The following KIAA0319L variants were observed in gnomAD, a reference collection of about 807,000 sequenced individuals.
KIAA0319L encodes the protein KIAA0319 like.
KIAA0319L carries 55 observed loss-of-function variants against 120.1 expected under a neutral mutation model. The ratio of observed to expected loss-of-function variants is 0.46; its 90% CI spans 0.37 to 0.57. KIAA0319L has a LOEUF of 0.57. Ranked by LOEUF, KIAA0319L falls within the 20% of genes least tolerant of loss-of-function variation. The pLI is 0.00. For missense variants in KIAA0319L, 1,049 were observed against 1,255.3 expected (o/e 0.84, Z 2.48); for synonymous variants, 398 against 471.9 (o/e 0.84, Z 2.03).
chr1:35,525,746 CCAGA>C (rs1403933099), intron 2 of KIAA0319L, among the ~76,000 whole-genome samples: 4 of 152,090 alleles, frequency 2.6e-5, no homozygotes, highest in Non-Finnish European at 5.9e-5. Context: ...TCCCTTGTCA[CCAGA>C]CAGATATTTT....
In KIAA0319L at chr1:35,450,002, C is replaced by T; in HGVS notation, c.2218G>A (p.Val740Met). The T allele has an allele frequency of 6.2e-7, 1 of 1,614,142 alleles. No homozygotes were observed. The highest frequency in any genetic ancestry group is 8.5e-7 in the Non-Finnish European group (1 of 1,179,998). Residue 740 changes from valine (V) to methionine (M), a missense_variant, in exon 15 of 21, where the codon GTG (valine) becomes ATG (methionine). Transcript: ENST00000325722. ...GGGTGATGGTCAGAGTGATTTAACA[C>T]CTCCTGTAGGGTTGAACAACATGGC... is the stretch of plus-strand genomic sequence containing the variant. ...RDEGSPAAGE[V>M]LNHSDHHPIL... is the part of the protein sequence containing the mutation.
intron 2 of KIAA0319L, among the ~76,000 whole-genome samples, chr1:35,513,544 G>C (rs1433153752): frequency 6.6e-6 from 1 of 151,854 alleles, no homozygotes; most frequent in East Asian, 1.9e-4. Context: ...TTGAGCTTGG[G>C]AGATACTGGC....
At chr1:35,517,980 C>G (rs1645750861) in intron 2 of KIAA0319L, among the ~76,000 whole-genome samples, 1 of 152,174 alleles carries the variant, frequency 6.6e-6, no homozygotes, top group African/African-American at 2.4e-5. Context: ...TTCAATATCA[C>G]TGATCATTAG....
intron 3 of KIAA0319L, among the ~76,000 whole-genome samples, chr1:35,505,921 G>C (rs987768787): frequency 1.1e-4 from 16 of 152,222 alleles, no homozygotes; most frequent in African/African-American, 3.9e-4. Context: ...CAACTTGATA[G>C]AGACAACTAG....
intron 5 of KIAA0319L, among the ~76,000 whole-genome samples, chr1:35,472,206 A>C (rs1029831372): frequency 2.6e-5 from 4 of 152,254 alleles, no homozygotes; most frequent in African/African-American, 7.2e-5. Context: ...GCAGGCAGAA[A>C]TATGTTCAAA....
Position 35,522,993 on chromosome 1 carries a change from T to C in KIAA0319L, c.143-15858A>G, listed in dbSNP as rs191808816. ...GAGATCGCACCACTGCACTCCAGCC[T>C]GGCAAGAGTGAAACTCCACATAAAA... On this transcript the variant is annotated intron_variant, in intron 2 of 20. Transcript: ENST00000325722. 2.7e-3 allele frequency among the ~76,000 whole-genome samples: 373 copies of C among 137,170 alleles called. 3 individuals are homozygous for C. The highest frequency in any genetic ancestry group is 0.01 in the African/African-American group (362 of 35,548). 90.0% of individuals were successfully genotyped at this position (137,170 alleles called of 152,430 possible). A position where few individuals can be genotyped will look rare whatever the true frequency, so the allele number is the denominator to read the frequency against.
intron 2 of KIAA0319L, among the ~76,000 whole-genome samples, chr1:35,535,852 T>C (rs187263917): frequency 4.6e-5 from 7 of 152,260 alleles, no homozygotes; most frequent in African/African-American, 1.7e-4. Context: ...CTCTGCCCTC[T>C]TTAAGTGCTG....
chr1:35,442,243 T>G lies in KIAA0319L; in HGVS notation c.2870+3A>C. On this transcript the variant is annotated splice_donor_region_variant and intron_variant, in intron 19 of 20. Transcript: ENST00000325722. ...ATGAATTTCAAAGGAAAATCCATCT[T>G]ACCTCTTACAACAACAGATCACAGT... 6.2e-7 allele frequency: 1 copy of G among 1,605,130 alleles called. No individual in the cohort carries two copies. The highest frequency in any genetic ancestry group is 8.5e-7 in the Non-Finnish European group (1 of 1,171,832).
chr1:35,521,317 C>T (rs895952641), intron 2 of KIAA0319L, among the ~76,000 whole-genome samples: 6 of 150,804 alleles, frequency 4.0e-5, no homozygotes, highest in South Asian at 2.1e-4. Context: ...CCAGCCTGGG[C>T]GAGAGAGCAA....
At chr1:35,491,351 A>G (rs1301832410) in intron 3 of KIAA0319L, among the ~76,000 whole-genome samples, 1 of 152,232 alleles carries the variant, frequency 6.6e-6, no homozygotes, top group African/African-American at 2.4e-5. Context: ...TCCAGATTAA[A>G]GTTCAACAAG....
rs764146081 is a variant in KIAA0319L, at chr1:35,451,653, G to GCT, written c.2035_2036dup (p.Ser679ArgfsTer4). On this transcript the variant is annotated frameshift_variant, in exon 13 of 21. Transcript: ENST00000325722. LOFTEE classifies it high-confidence loss of function. The stretch of plus-strand genomic sequence containing the variant: ...CTTCTTTGACAATGACATTCACAGA[G>GCT]CTCTGGCTTTGCAGGTTCCTCTCAT... 1.2e-6 allele frequency: 2 copies of GCT among 1,613,964 alleles called. No individual in the cohort carries two copies. Among genetic ancestry groups the GCT allele is most frequent in the African/African-American group, 1.3e-5 (1 of 74,898 alleles).
At chr1:35,546,969 T>C (rs956573233) in intron 2 of KIAA0319L, among the ~76,000 whole-genome samples, 7 of 148,364 alleles carry the variant, frequency 4.7e-5, no homozygotes, top group African/African-American at 1.7e-4. Context: ...TATATATAAA[T>C]ATATATATAA....
At chr1:35,495,511 A>G (rs1283497465) in intron 3 of KIAA0319L, among the ~76,000 whole-genome samples, 1 of 152,228 alleles carries the variant, frequency 6.6e-6, no homozygotes, top group Non-Finnish European at 1.5e-5. Flanking sequence ...TCTTTGAAAG[A>G]CACTGCTAAG....
intron 4 of KIAA0319L, among the ~76,000 whole-genome samples, chr1:35,476,993 G>C (rs936235817): frequency 1.3e-5 from 2 of 152,006 alleles, no homozygotes; most frequent in Non-Finnish European, 2.9e-5. Flanking sequence ...TAAAAATAAA[G>C]ATGCTTCTCC....
chr1:35,540,201 C>T (rs1306409771), intron 2 of KIAA0319L, among the ~76,000 whole-genome samples: 4 of 152,210 alleles, frequency 2.6e-5, no homozygotes, highest in African/African-American at 9.6e-5. Context: ...GCATTCCTCC[C>T]TGCTTCTGTT....
chr1:35,465,525 G>C (rs1467109864), intron 7 of KIAA0319L, among the ~76,000 whole-genome samples: 1 of 152,204 alleles, frequency 6.6e-6, no homozygotes, highest in Non-Finnish European at 1.5e-5. Context: ...CAGGCTCATA[G>C]GCAGAATCGA....
At chr1:35,498,891 A>G (rs1432800050) in intron 3 of KIAA0319L, among the ~76,000 whole-genome samples, 1 of 152,250 alleles carries the variant, frequency 6.6e-6, no homozygotes, top group African/African-American at 2.4e-5. Context: ...ACTGTCATTA[A>G]TAAAAATCCT....
At chr1:35,554,604 G>A in intron 1 of KIAA0319L, 85 bp from the exon 2 acceptor site, 1 of 992,496 alleles carries the variant, frequency 1.0e-6, no homozygotes. Flanking sequence ...AAATATGACA[G>A]ATTAGGGGAA....
chr1:35,539,849 A>G (rs1646722640), intron 2 of KIAA0319L, among the ~76,000 whole-genome samples: 2 of 152,252 alleles, frequency 1.3e-5, no homozygotes, highest in Admixed American at 1.3e-4. Context: ...GCAGGATGGC[A>G]GTCCTCTTGA....
Sources: gnomAD v4.1 joint callset for allele counts (sites outside exome capture counted in the v4.1 genomes callset) on GRCh38, gnomAD v4.1.1 for gene constraint, MANE v1.5 for transcripts, NCBI Gene and HGNC (gene_info 2026-07-23, HGNC 2026-07-21) for gene names.